DCAF6: variants seen among roughly 807,000 people sequenced by gnomAD.
The protein encoded by DCAF6 is DDB1- and CUL4-associated factor 6.
DCAF6 carries 54 observed loss-of-function variants against 125.1 expected under a neutral mutation model. The ratio of observed to expected loss-of-function variants is 0.43; its 90% confidence interval spans 0.35 to 0.54. The LOEUF is 0.54. DCAF6 is among the 20% of genes least tolerant of loss of function. The pLI, the probability that DCAF6 is intolerant of heterozygous loss-of-function variation, is 0.01. For missense variants in DCAF6, 934 were observed against 1,161.7 expected, an observed-to-expected ratio of 0.80 and a Z score of 2.85; for synonymous variants, 371 against 390.4, an observed-to-expected ratio of 0.95 and a Z score of 0.58.
At chr1:167,987,774 CAT>C (rs1680220959) in intron 5 of DCAF6, among the ~76,000 whole-genome samples, 166 bp downstream of exon 5, 1 of 151,882 alleles carries the variant, frequency 6.6e-6, no homozygotes, top group African/African-American at 2.4e-5. Flanking sequence ...ATTTAATAAG[CAT>C]ATAGTTTATA....
intron 5 of DCAF6, among the ~76,000 whole-genome samples, chr1:167,989,079 CAAACA>C (rs141583609): frequency 0.084 from 12,768 of 152,004 alleles, 594 homozygotes; most frequent in Middle Eastern, 0.096. Flanking sequence ...GACTCCATCT[CAAACA>C]AAACAAAACA....
chr1:168,050,561 C>T (rs1055295296), intron 16 of DCAF6, among the ~76,000 whole-genome samples: 1 of 152,088 alleles, frequency 6.6e-6, no homozygotes, highest in Admixed American at 6.6e-5. Flanking sequence ...GGAGCATGTA[C>T]GTGTTCCAGA....
At chr1:167,935,803 G>A (rs2102570495), upstream of DCAF6, 2 of 1,558,096 alleles carry the variant, frequency 1.3e-6, no homozygotes, top group Middle Eastern at 2.1e-4. Context: ...GGAGCCGGTG[G>A]TAGGTGGCCC....
chr1:167,916,920 G>A, the DCAF6 span: 1 of 152,174 alleles, frequency 6.6e-6, no homozygotes, highest in Non-Finnish European at 1.5e-5. Context: ...CCTATGTCAA[G>A]CTCTCTAATC....
At chr1:167,893,419 A>T in the DCAF6 span, among the ~76,000 whole-genome samples, 2 of 152,146 alleles carry the variant, frequency 1.3e-5, no homozygotes, top group Non-Finnish European at 2.9e-5. Context: ...ACATATAGAG[A>T]ATGTCTTTTT....
chr1:168,033,722 T>TTAAA (rs1241972427), intron 12 of DCAF6, among the ~76,000 whole-genome samples: 1 of 152,220 alleles, frequency 6.6e-6, no homozygotes, highest in Non-Finnish European at 1.5e-5. Context: ...GATGTTTATG[T>TTAAA]GGTCATTGCT....
At chr1:167,942,179 C>T (rs1009432081) in intron 1 of DCAF6, among the ~76,000 whole-genome samples, 6 of 152,194 alleles carry the variant, frequency 3.9e-5, no homozygotes, top group Non-Finnish European at 8.8e-5. Flanking sequence ...GATTCTCCTG[C>T]CTCAGCCTGC....
At chr1:167,907,431 T>A in the DCAF6 span, among the ~76,000 whole-genome samples, 1 of 152,342 alleles carries the variant, frequency 6.6e-6, no homozygotes, top group East Asian at 1.9e-4. Context: ...TTGCCTTCAC[T>A]TTGGGACCCA....
intron 4 of DCAF6, among the ~76,000 whole-genome samples, chr1:167,979,690 C>G (rs1199912228): frequency 6.6e-6 from 1 of 151,688 alleles, no homozygotes; most frequent in African/African-American, 2.4e-5. Flanking sequence ...AGTTCAAGAC[C>G]AGCCTGTACA....
chr1:167,983,630 C>A (rs1238003930), intron 4 of DCAF6, among the ~76,000 whole-genome samples: 1 of 152,166 alleles, frequency 6.6e-6, no homozygotes, highest in African/African-American at 2.4e-5. Context: ...TTCTTGGGTC[C>A]TTCTTTGGCA....
intron 10 of DCAF6, among the ~76,000 whole-genome samples, chr1:168,005,575 G>A (rs1044809484): frequency 1.3e-5 from 2 of 152,034 alleles, no homozygotes; most frequent in Admixed American, 1.3e-4. Context: ...TTCTTCTAAG[G>A]AAGAATTTTA....
At chr1:167,966,547 T>G in intron 2 of DCAF6, 82 bp from the exon 3 acceptor site, 1 of 889,698 alleles carries the variant, frequency 1.1e-6, no homozygotes, top group South Asian at 1.4e-5. Context: ...TGGTAAAAAT[T>G]TTGTACCGCC....
intron 7 of DCAF6, among the ~76,000 whole-genome samples, chr1:167,995,570 C>T (rs887952274): frequency 2.0e-5 from 3 of 151,408 alleles, no homozygotes; most frequent in African/African-American, 7.3e-5. Flanking sequence ...ATCCCAGCTA[C>T]TTGGGAGGTT....
At chr1:167,992,190 C>CCAAAATAAA (rs1680928120) in intron 6 of DCAF6, among the ~76,000 whole-genome samples, 1 of 150,660 alleles carries the variant, frequency 6.6e-6, no homozygotes, top group African/African-American at 2.4e-5. Flanking sequence ...CAAAGTACTT[C>CCAAAATAAA]CAAAATAAAC....
the DCAF6 span, among the ~76,000 whole-genome samples, chr1:167,875,919 C>A: frequency 1.1e-4 from 17 of 151,656 alleles, no homozygotes; most frequent in African/African-American, 3.9e-4. Context: ...CACCACTGCA[C>A]TCCAGCGTGG....
chr1:167,964,832 C>T (rs1242000337), intron 2 of DCAF6, among the ~76,000 whole-genome samples: 5 of 152,148 alleles, frequency 3.3e-5, no homozygotes, highest in South Asian at 2.1e-4. Context: ...TCTACTAATA[C>T]GCCCATCAGA....
rs1245681197 is a variant in DCAF6, at chr1:167,936,833, G to C, written c.-79G>C. Reference sequence around the variant, plus strand: ...CGCGGATGGTGCCGGTGCGGCTCGGGTGTTGAAACGGGTGTCCCCTCCCCC... The same window carrying C: ...CGCGGATGGTGCCGGTGCGGCTCGGCTGTTGAAACGGGTGTCCCCTCCCCC... On this transcript the variant is annotated 5_prime_UTR_variant, in exon 1 of 22. Coordinates refer to ENST00000367840, the MANE Select transcript of DCAF6 (RefSeq NM_001198956.2). The C allele has an allele frequency of 2.3e-6, 3 of 1,279,436 alleles. No homozygotes were observed. The highest frequency in any genetic ancestry group is 3.3e-6 in the Non-Finnish European group (3 of 906,884). The allele number at this position is 1,279,436 out of a possible 1,614,324, so 79.3% of individuals were successfully genotyped here.
the DCAF6 span, among the ~76,000 whole-genome samples, chr1:167,898,984 C>G: frequency 6.6e-6 from 1 of 152,152 alleles, no homozygotes; most frequent in African/African-American, 2.4e-5. Context: ...TCTCTTCTAT[C>G]ACTGAACTTC....
the DCAF6 span, among the ~76,000 whole-genome samples, chr1:167,921,629 T>C: frequency 2.0e-5 from 3 of 152,184 alleles, no homozygotes; most frequent in Non-Finnish European, 4.4e-5. Context: ...TCCCACCAGA[T>C]GAGCTGTATT....
Sources: allele counts gnomAD v4.1 joint callset (sites outside exome capture counted in the v4.1 genomes callset), GRCh38; gene constraint gnomAD v4.1.1; transcripts MANE v1.5; gene names NCBI Gene and HGNC (gene_info 2026-07-23, HGNC 2026-07-21).